The following UNC45A variants were observed in gnomAD, a reference collection of about 807,000 sequenced individuals.
UNC45A encodes protein unc-45 homolog A.
In UNC45A, 78 loss-of-function variants were observed where a neutral mutation model predicts 103.2. That is an observed-to-expected ratio of 0.76 (90% CI 0.63 to 0.91). The LOEUF is 0.91. Among genes scored for constraint, UNC45A ranks in the 40% least tolerant of loss-of-function variants. The pLI is 0.00. For synonymous variants in UNC45A, 495 were observed against 504.6 expected (o/e 0.98, Z 0.25); for missense variants, 1,193 against 1,224.8 (o/e 0.97, Z 0.39).
At chr15:90,952,113 TC>T (rs1213214900) in intron 17 of UNC45A, 7 of 152,214 alleles carry the variant, frequency 4.6e-5, no homozygotes, top group African/African-American at 1.7e-4. Flanking sequence ...CCAAGGGAAA[TC>T]CTCAGCCCAG....
chr15:90,950,257 C>T lies in UNC45A; in HGVS notation c.2177C>T (p.Pro726Leu). 6.4e-7 allele frequency: 1 copy of T among 1,551,754 alleles called. No homozygotes were observed. The highest frequency in any genetic ancestry group is 8.7e-7 in the Non-Finnish European group (1 of 1,147,014). The part of the protein sequence containing the change: ...TITSNPEMTF[P>L]GERIYEVVRP... Reference sequence around the variant, plus strand: ...ACCTCCAACCCGGAGATGACCTTCCCTGGCGAGCGGGTACGTGTCTTCCTG... The same window carrying T: ...ACCTCCAACCCGGAGATGACCTTCCTTGGCGAGCGGGTACGTGTCTTCCTG... The change falls in exon 16 of 20, where the codon CCT (proline) becomes CTT (leucine). Residue 726 changes from proline to leucine, a missense_variant. Transcript: ENST00000418476.
intron 19 of UNC45A, 74 bp downstream of exon 19, chr15:90,953,384 A>C: frequency 6.3e-7 from 1 of 1,597,552 alleles, no homozygotes; most frequent in Non-Finnish European, 8.5e-7. Flanking sequence ...GGGCAGTCCT[A>C]GGGTGTGTGG....
Position 90,935,549 on chromosome 15 carries a change from C to A in UNC45A, c.57C>A (p.Ser19Arg). 1 of 1,603,914 alleles carries A rather than the reference C, an allele frequency of 6.2e-7. No homozygotes were observed. The highest frequency in any genetic ancestry group is 8.5e-7 in the Non-Finnish European group (1 of 1,175,106). Reference sequence around the variant, plus strand: ...CGCCCCCTTTCTCTCTACAGGCCAGCTCAGTGGAGCAGCTGCGGAAGGAGG... The same window carrying A: ...CGCCCCCTTTCTCTCTACAGGCCAGATCAGTGGAGCAGCTGCGGAAGGAGG... ...PEPRPATPGASSVEQLRKEGN... is the reference protein window; with the variant it reads ...PEPRPATPGARSVEQLRKEGN... Residue 19 changes from serine to arginine, a missense_variant, in exon 2 of 20, where the codon AGC (serine) becomes AGA (arginine). Ser to Arg is a moderately radical substitution (Grantham distance 110, BLOSUM62 -1). Coordinates refer to ENST00000418476, the MANE Select transcript of UNC45A (RefSeq NM_018671.5).
At chr15:90,948,950 C>T (rs1458653824) in intron 13 of UNC45A, among the ~76,000 whole-genome samples, 156 bp downstream of exon 13, 1 of 149,756 alleles carries the variant, frequency 6.7e-6, no homozygotes, top group Non-Finnish European at 1.5e-5. Context: ...GATCTCGGCT[C>T]ACTGCAAGCT....
Position 90,949,403 on chromosome 15 carries a change from A to G in UNC45A, c.1966A>G (p.Ser656Gly). The G allele has an allele frequency of 6.2e-7, 1 of 1,613,802 alleles. No individual in the cohort carries two copies. The highest frequency in any genetic ancestry group is 1.1e-5 in the South Asian group (1 of 91,080). ...SAMVCMVKTE[S>G]PVLTSSCREL... is the part of the protein sequence containing the mutation. ...CATGGTGTGCATGGTGAAGACGGAGAGCCCTGTGCTGACCAGTTCCTGCAG... is the reference window on the plus strand; with the variant it reads ...CATGGTGTGCATGGTGAAGACGGAGGGCCCTGTGCTGACCAGTTCCTGCAG... Residue 656 changes from serine (S) to glycine (G), a missense_variant, in exon 14 of 20, where the codon AGC (serine) becomes GGC (glycine). Transcript: ENST00000418476.
intron 4 of UNC45A, among the ~76,000 whole-genome samples, chr15:90,939,041 G>A (rs530071689): frequency 4.6e-4 from 70 of 150,982 alleles, no homozygotes; most frequent in African/African-American, 1.5e-3. Context: ...GTGCAGTGGC[G>A]TGATCTCGGC....
At chr15:90,950,440 G>C in intron 16 of UNC45A, 60 bp from the exon 17 acceptor site, 1 of 1,576,140 alleles carries the variant, frequency 6.3e-7, no homozygotes, top group Admixed American at 1.8e-5. Context: ...TCCCTGCAGG[G>C]TTGGTGGGGC....
At position 90,936,543 on chromosome 15, in the gene UNC45A, C is replaced by T. The variant is rs111288682; in HGVS notation, c.426+83C>T. 41 of 1,481,540 alleles carry T rather than the reference C, an allele frequency of 2.8e-5. 1 individual carries two copies. In the African/African-American group the frequency reaches 3.0e-4, roughly 11 times the overall value. 91.8% of individuals were successfully genotyped at this position (1,481,540 alleles called of 1,614,324 possible). A position where few individuals can be genotyped will look rare whatever the true frequency, so the allele number is the denominator to read the frequency against. On this transcript the variant is annotated intron_variant, in intron 4 of 19. Transcript: ENST00000418476. ...AGGGGTGTAGACACAGTTCTCCAGACGAGATCCCGGTGGCAAGTGAACCTT... is the reference window on the plus strand; with the variant it reads ...AGGGGTGTAGACACAGTTCTCCAGATGAGATCCCGGTGGCAAGTGAACCTT...
intron 4 of UNC45A, 106 bp downstream of exon 4, chr15:90,936,566 C>T (rs1366282270): frequency 1.5e-5 from 21 of 1,373,468 alleles, no homozygotes; most frequent in Non-Finnish European, 1.8e-5. Flanking sequence ...GCAAGTGAAC[C>T]TTGCCTGTGG....
chr15:90,936,481 G>C, intron 4 of UNC45A, 21 bp downstream of exon 4: 2 of 1,611,986 alleles, frequency 1.2e-6, no homozygotes, highest in East Asian at 4.5e-5. Flanking sequence ...GACCCAGAGA[G>C]GTGGAAGCAT....
intron 5 of UNC45A, 87 bp from the exon 6 acceptor site, chr15:90,940,219 G>A: frequency 7.0e-7 from 1 of 1,429,260 alleles, no homozygotes; most frequent in Non-Finnish European, 9.5e-7. Flanking sequence ...GAAGCAGAGA[G>A]GTCCAGGGCT....
chr15:90,943,247 C>T (rs577873309), intron 8 of UNC45A, among the ~76,000 whole-genome samples, 165 bp downstream of exon 8: 2 of 151,820 alleles, frequency 1.3e-5, no homozygotes, highest in South Asian at 4.2e-4. Context: ...GGCAACATAG[C>T]GAGACCCTGT....
chr15:90,947,567 C>A, intron 10 of UNC45A: 1 of 565,584 alleles, frequency 1.8e-6, no homozygotes, highest in Non-Finnish European at 3.2e-6. Flanking sequence ...GACTGTCCAG[C>A]GGCCAGCGCA....
chr15:90,953,872 G>A lies in UNC45A; in HGVS notation c.*156G>A, dbSNP rs2037074311. 1.6e-5 allele frequency: 18 copies of A among 1,131,602 alleles called. 1 individual carries two copies. The South Asian group carries it at 1.9e-4, about 12-fold the overall frequency. The allele number at this position is 1,131,602 out of a possible 1,614,324, so 70.1% of individuals were successfully genotyped here. ...AGGATGTCCTCTGTTCTGAGTCAGC[G>A]GCCACGTTCAGTCACACAGCCCTGC... On this transcript the variant is annotated 3_prime_UTR_variant, in exon 20 of 20. Transcript: ENST00000418476.
At chr15:90,950,396 C>A in intron 16 of UNC45A, 104 bp from the exon 17 acceptor site, 1 of 1,465,656 alleles carries the variant, frequency 6.8e-7, no homozygotes, top group Middle Eastern at 1.7e-4. Context: ...GGAGGACAGC[C>A]TGAGACAGCA....
upstream of UNC45A, chr15:90,935,148 C>A: frequency 4.7e-6 from 3 of 640,074 alleles, no homozygotes; most frequent in South Asian, 5.5e-5. Context: ...CCTGCACCTG[C>A]GATCCAGAGC....
rs1359282742 is a variant in UNC45A at position 90,944,933 on chromosome 15, C to A, written c.1069C>A (p.Pro357Thr). 1 of 1,612,452 alleles carries A rather than the reference C, an allele frequency of 6.2e-7. No homozygotes were observed. The highest frequency in any genetic ancestry group is 1.7e-5 in the Admixed American group (1 of 60,028). ...ILEVGGSLQD[P>T]PGELAVTANS... ...GGAAGTGGGGGGCTCTCTACAGGAC[C>A]CTCCTGGGGAGCTCGCAGTGACCGC... Residue 357 changes from proline to threonine, a missense_variant, in exon 9 of 20, where the codon CCT becomes ACT. Physicochemically the swap from Pro to Thr is conservative, Grantham distance 38 (BLOSUM62 -1). Coordinates refer to ENST00000418476, the MANE Select transcript of UNC45A (RefSeq NM_018671.5).
intron 6 of UNC45A, 114 bp from the exon 7 acceptor site, chr15:90,942,323 G>C (rs865930035): frequency 1.3e-5 from 16 of 1,248,340 alleles, no homozygotes; most frequent in Middle Eastern, 2.8e-4. Context: ...CCTGGAGCTG[G>C]GCCTTCCACC....
upstream of UNC45A, chr15:90,930,362 G>C (rs1051813900): frequency 6.6e-6 from 1 of 152,352 alleles, no homozygotes; most frequent in African/African-American, 2.4e-5. Context: ...CTTCCGATAC[G>C]TCTTTTCTTT....
Sources: gnomAD v4.1 joint callset for allele counts (sites outside exome capture counted in the v4.1 genomes callset) on GRCh38, gnomAD v4.1.1 for gene constraint, MANE v1.5 for transcripts, NCBI Gene and HGNC (gene_info 2026-07-23, HGNC 2026-07-21) for gene names.